LRWD1: variants seen among roughly 807,000 people sequenced by gnomAD.
LRWD1 encodes leucine-rich repeat and WD repeat-containing protein 1.
LRWD1 carries 76 observed loss-of-function variants against 75.6 expected under a neutral mutation model. The observed-to-expected ratio is 1.01, with a 90% CI of 0.84 to 1.22. LRWD1 has a LOEUF of 1.22. Among genes scored for constraint, LRWD1 ranks in the 50% most tolerant of loss-of-function variants. LRWD1 has a pLI of 0.00. For missense variants in LRWD1, 917 were observed against 862.0 expected (o/e 1.06, Z -0.80); for synonymous variants, 487 against 377.0 (o/e 1.29, Z -3.38).
chr7:102,465,969 A>G lies in LRWD1; in HGVS notation c.233A>G (p.Asn78Ser), dbSNP rs1364274304. 12 of 1,613,946 alleles carry G rather than the reference A, an allele frequency of 7.4e-6. No homozygotes were observed. Among genetic ancestry groups the G allele is most frequent in the Non-Finnish European group, 8.5e-6 (10 of 1,180,014 alleles). Residue 78 changes from asparagine (N) to serine (S), a missense_variant, in exon 2 of 15, where the codon AAC becomes AGC. By Grantham distance (46) the Asn-to-Ser change is conservative. Coordinates refer to ENST00000292616, the MANE Select transcript of LRWD1 (RefSeq NM_152892.3). ...LSHLRVLRCA[N>S]NQLGDVTALC... The stretch of plus-strand genomic sequence containing the variant: ...CACCTGCGTGTCCTCCGCTGCGCCA[A>G]CAACCAGCTGGGGGATGTTACTGCC...
At position 102,465,938 on chromosome 7, in the gene LRWD1, C is replaced by G. The variant is rs1169691082; in HGVS notation, c.202C>G (p.Leu68Val). 1.2e-6 allele frequency: 2 copies of G among 1,613,724 alleles called. No individual in the cohort carries two copies. Among genetic ancestry groups the G allele is most frequent in the Admixed American group, 1.7e-5 (1 of 59,992 alleles). ...GGAGACGCTGCCGGACAACCTGGGC[C>G]TGTCCCACCTGCGTGTCCTCCGCTG... ...HLETLPDNLG[L>V]SHLRVLRCAN... Residue 68 changes from leucine to valine, a missense_variant, in exon 2 of 15, where the codon CTG becomes GTG. Transcript: ENST00000292616.
chr7:102,466,862 C>T (rs963874802), intron 3 of LRWD1, among the ~76,000 whole-genome samples: 2 of 141,214 alleles, frequency 1.4e-5, no homozygotes, highest in African/African-American at 5.2e-5. Context: ...CTCACTGCAG[C>T]CTCCAACTCC....
Position 102,472,954 on chromosome 7 carries a change from A to G in LRWD1, c.1849A>G (p.Lys617Glu), listed in dbSNP as rs1798261834. 3.7e-6 allele frequency: 6 copies of G among 1,613,898 alleles called. No homozygotes were observed. Among genetic ancestry groups the G allele is most frequent in the Non-Finnish European group, 5.1e-6 (6 of 1,179,946 alleles). The change falls in exon 15 of 15, where the codon AAG becomes GAG. Residue 617 changes from lysine to glutamate, a missense_variant. Coordinates refer to ENST00000292616, the MANE Select transcript of LRWD1 (RefSeq NM_152892.3). ...CTGGGCCCTTGGCCAGGTGGTGACC[A>G]AGACCATGGTGAACACAGTGGTGGC... ...QPWALGQVVT[K>E]TMVNTVVANA...
At position 102,468,635 on chromosome 7, in the gene LRWD1, AG is replaced by A. The variant is rs984777404; in HGVS notation, c.1002del (p.Lys334AsnfsTer17). ...IDCQTGIVLH[K>X]YKAPGEEFFS... ...TGCCAGACGGGCATCGTGCTCCACA[AG>A]TACAAGGCACCCGGCGAGGTGAGTG... On this transcript the variant is annotated frameshift_variant, in exon 8 of 15. Transcript: ENST00000292616. LOFTEE classifies it high-confidence loss of function. 8.9e-6 allele frequency: 14 copies of A among 1,571,618 alleles called. No homozygotes were observed. The highest frequency in any genetic ancestry group is 1.1e-5 in the Non-Finnish European group (13 of 1,158,454).
intron 4 of LRWD1, 52 bp from the exon 5 acceptor site, chr7:102,467,667 C>T: frequency 6.5e-7 from 1 of 1,530,302 alleles, no homozygotes; most frequent in Non-Finnish European, 8.9e-7. Flanking sequence ...ATCGGCAGGG[C>T]TGGGGGCACC....
At chr7:102,470,288 C>T (rs919397624) in intron 11 of LRWD1, 2 of 169,516 alleles carry the variant, frequency 1.2e-5, no homozygotes, top group African/African-American at 2.4e-5. Flanking sequence ...GGAAGTGCCA[C>T]GTTGAGGCTT....
chr7:102,466,771 T>A (rs1322854947), intron 3 of LRWD1, among the ~76,000 whole-genome samples: 2 of 7,758 alleles, frequency 2.6e-4, no homozygotes, highest in Non-Finnish European at 1.6e-3. Flanking sequence ...TTTTTTTTTT[T>A]TTTTTTTTTT....
At chr7:102,469,712 G>C (rs1798128357) in intron 10 of LRWD1, 30 bp from the exon 11 acceptor site, 3 of 1,612,744 alleles carry the variant, frequency 1.9e-6, no homozygotes, top group African/African-American at 1.3e-5. Flanking sequence ...GTCTGGGTCT[G>C]ATGCTCTGTT....
rs201885983 is a variant in LRWD1, at chr7:102,469,046, C to G, written c.1212C>G (p.His404Gln). The G allele has an allele frequency of 2.5e-6, 4 of 1,607,088 alleles. No individual in the cohort carries two copies. Residue 404 changes from histidine (H) to glutamine (Q), a missense_variant, in exon 9 of 15, where the codon CAC becomes CAG. By Grantham distance (24) the His-to-Gln change is conservative (BLOSUM62 0). Coordinates refer to ENST00000292616, the MANE Select transcript of LRWD1 (RefSeq NM_152892.3). ...CCACCCTGTGCTTCAGCCCCGCCCA[C>G]GAGACCCATCTCTTCAGTAAGCCCC... Reference protein sequence around the residue: ...AIATLCFSPAHETHLFTASYD... With the variant: ...AIATLCFSPAQETHLFTASYD...
In LRWD1 at chr7:102,473,150, ACT is replaced by A; in HGVS notation, c.*104_*105del. ...GTCTTTCAGTGAATATTTTTATTAA[ACT>A]CTACTGTGGACAAGAAGCCTGTGGA... On this transcript the variant is annotated 3_prime_UTR_variant, in exon 15 of 15. Coordinates refer to ENST00000292616, the MANE Select transcript of LRWD1 (RefSeq NM_152892.3). The A allele has an allele frequency of 3.0e-6, 4 of 1,325,756 alleles. No homozygotes were observed. Among genetic ancestry groups the A allele is most frequent in the East Asian group, 2.4e-5 (1 of 42,340 alleles). The allele number at this position is 1,325,756 out of a possible 1,614,324, so 82.1% of individuals were successfully genotyped here. A position where few individuals can be genotyped will look rare whatever the true frequency, so the allele number is the denominator to read the frequency against.
At position 102,466,571 on chromosome 7, in the gene LRWD1, T is replaced by C. The variant is rs955624094; in HGVS notation, c.432+301T>C. 6.6e-5 allele frequency among the ~76,000 whole-genome samples: 10 copies of C among 152,082 alleles called. No homozygotes were observed. In the South Asian group the frequency reaches 8.3e-4, roughly 13 times the overall value. ...CTAGGATTACAAGCACCTGCCACCA[T>C]GCCCAGCTAATTTTTTTTGTATTTT... On this transcript the variant is annotated intron_variant, in intron 3 of 14. Coordinates refer to ENST00000292616, the MANE Select transcript of LRWD1 (RefSeq NM_152892.3).
intron 3 of LRWD1, 71 bp downstream of exon 3, chr7:102,466,341 T>C: frequency 1.5e-6 from 2 of 1,293,358 alleles, no homozygotes; most frequent in African/African-American, 1.5e-5. Context: ...GAATTGGACA[T>C]CAGGAGGATG....
At chr7:102,468,830 A>G in intron 8 of LRWD1, 25 bp from the exon 9 acceptor site, 1 of 1,604,282 alleles carries the variant, frequency 6.2e-7, no homozygotes, top group Non-Finnish European at 8.5e-7. Flanking sequence ...TGCCCCAGTG[A>G]CTGTTTACTC....
chr7:102,473,023 A>T lies in LRWD1; in HGVS notation c.1918A>T (p.Ile640Phe). Residue 640 changes from isoleucine to phenylalanine, a missense_variant, in exon 15 of 15, where the codon ATC (isoleucine) becomes TTC (phenylalanine). Ile to Phe is a conservative substitution (Grantham distance 21). Coordinates refer to ENST00000292616, the MANE Select transcript of LRWD1 (RefSeq NM_152892.3). ...CCTCACCGCCCTGACGGACTCCAAC[A>T]TCGTAGCCATCTGGGGGAGGATGTA... Reference protein sequence around the residue: ...TYLTALTDSNIVAIWGRM With the variant: ...TYLTALTDSNFVAIWGRM The T allele has an allele frequency of 1.2e-6, 2 of 1,612,778 alleles. No homozygotes were observed. The highest frequency in any genetic ancestry group is 1.7e-6 in the Non-Finnish European group (2 of 1,179,548).
Position 102,468,843 on chromosome 7 carries a change from A to G in LRWD1, c.1021-12A>G, listed in dbSNP as rs760746116. ...TCTGCCCCAGTGACTGTTTACTCTAACCCCCGCCCAGGAGTTCTTTTCTGT... is the reference window on the plus strand; with the variant it reads ...TCTGCCCCAGTGACTGTTTACTCTAGCCCCCGCCCAGGAGTTCTTTTCTGT... On this transcript the variant is annotated splice_polypyrimidine_tract_variant and intron_variant, in intron 8 of 14. Transcript: ENST00000292616. The G allele has an allele frequency of 1.9e-6, 3 of 1,607,344 alleles. No individual in the cohort carries two copies. Among genetic ancestry groups the G allele is most frequent in the Non-Finnish European group, 1.7e-6 (2 of 1,178,468 alleles).
At position 102,472,533 on chromosome 7, in the gene LRWD1, G is replaced by C; in HGVS notation, c.1614G>C (p.Thr538=). Reference sequence around the variant, plus strand: ...GGGGGGGCCGGGGCAGCCAGTCCACGGTGGCAGTGGTGGTCCTGGCGCGGC... The same window carrying C: ...GGGGGGGCCGGGGCAGCCAGTCCACCGTGGCAGTGGTGGTCCTGGCGCGGC... The part of the protein sequence containing the change: ...QTWGGRGSQS[T]VAVVVLARLQ... Residue 538 remains threonine, a synonymous_variant, in exon 13 of 15, where the codon ACG becomes ACC. Coordinates refer to ENST00000292616, the MANE Select transcript of LRWD1 (RefSeq NM_152892.3). The C allele has an allele frequency of 6.3e-7, 1 of 1,580,306 alleles. No individual in the cohort carries two copies. Among genetic ancestry groups the C allele is most frequent in the Non-Finnish European group, 8.6e-7 (1 of 1,164,686 alleles).
At chr7:102,465,359 G>C (rs1797927516) in intron 1 of LRWD1, among the ~76,000 whole-genome samples, 199 bp downstream of exon 1, 1 of 152,192 alleles carries the variant, frequency 6.6e-6, no homozygotes. Flanking sequence ...CCTGAAGGGA[G>C]CCCGGACAGT....
At position 102,472,618 on chromosome 7, in the gene LRWD1, G is replaced by GC. The variant is rs549677060; in HGVS notation, c.1690+15dup. ...GCTCAGCGCCTGCCCTGGTGAGCCT[G>GC]CCCCCCTGCCCGCCCCATCCCGCGG... On this transcript the variant is annotated intron_variant, in intron 13 of 14. Coordinates refer to ENST00000292616, the MANE Select transcript of LRWD1 (RefSeq NM_152892.3). 966 of 1,609,220 alleles carry GC rather than the reference G, an allele frequency of 6.0e-4. 3 individuals are homozygous for GC. The East Asian group carries it at 0.01, about 17-fold the overall frequency.
At position 102,472,506 on chromosome 7, in the gene LRWD1, G is replaced by GT. The variant is rs758412291; in HGVS notation, c.1588dup (p.Trp530LeufsTer35). The GT allele has an allele frequency of 6.4e-7, 1 of 1,553,130 alleles. No individual in the cohort carries two copies. The highest frequency in any genetic ancestry group is 8.7e-7 in the Non-Finnish European group (1 of 1,149,738). On this transcript the variant is annotated frameshift_variant, in exon 13 of 15. Transcript: ENST00000292616. LOFTEE classifies it high-confidence loss of function. ...TCTGCCTGTGGAGCTGGAGGCAGAC[G>GT]TGGGGGGGCCGGGGCAGCCAGTCCA...
Sources: allele counts gnomAD v4.1 joint callset (sites outside exome capture counted in the v4.1 genomes callset), GRCh38; gene constraint gnomAD v4.1.1; transcripts MANE v1.5; gene names NCBI Gene and HGNC (gene_info 2026-07-23, HGNC 2026-07-21).